Variants in CPHXL2 observed in about 807,000 individuals in gnomAD.
CPHXL2 encodes cytoplasmic polyadenylated homeobox-like protein 2.
At chr16:75,664,011 T>C in the CPHXL2 span, among the ~76,000 whole-genome samples, 2 of 152,108 alleles carry the variant, frequency 1.3e-5, no homozygotes, top group East Asian at 3.9e-4. Context: ...GTCTCCACAA[T>C]TCCTTATGGT....
chr16:75,669,938 A>C, the CPHXL2 span, among the ~76,000 whole-genome samples: 1 of 152,020 alleles, frequency 6.6e-6, no homozygotes, highest in African/African-American at 2.4e-5. Context: ...TCTTTTATTT[A>C]TTTATTTATT....
chr16:75,667,414 G>GT, the CPHXL2 span, among the ~76,000 whole-genome samples: 1 of 150,744 alleles, frequency 6.6e-6, no homozygotes, highest in Non-Finnish European at 1.5e-5. Context: ...TCTTATTCTA[G>GT]TTTATATTAA....
At chr16:75,673,463 A>G in the CPHXL2 span, among the ~76,000 whole-genome samples, 2 of 152,024 alleles carry the variant, frequency 1.3e-5, no homozygotes, top group Non-Finnish European at 2.9e-5. Context: ...CAAAAAAAAA[A>G]ATTAAAAAAA....
chr16:75,664,516 T>A, the CPHXL2 span, among the ~76,000 whole-genome samples: 1 of 151,074 alleles, frequency 6.6e-6, no homozygotes, highest in Non-Finnish European at 1.5e-5. Context: ...TCCCAGCTAC[T>A]TGGGAGGCTA....
At chr16:75,673,075 CAAAAAAAA>C in the CPHXL2 span, among the ~76,000 whole-genome samples, 1 of 73,180 alleles carries the variant, frequency 1.4e-5, no homozygotes, top group South Asian at 5.7e-4. Context: ...GACCTTGTCT[CAAAAAAAA>C]AAAAAAAAAA....
the CPHXL2 span, among the ~76,000 whole-genome samples, chr16:75,669,882 G>A: frequency 1.3e-5 from 2 of 152,174 alleles, no homozygotes; most frequent in Non-Finnish European, 2.9e-5. Context: ...GATGTGTCCA[G>A]GGTCCACACA....
the CPHXL2 span, among the ~76,000 whole-genome samples, chr16:75,666,608 C>G: frequency 1.5e-5 from 1 of 65,124 alleles, no homozygotes; most frequent in African/African-American, 5.5e-5. Context: ...AACTCTATCT[C>G]AAAAAAAAAA....
chr16:75,664,790 A>G, the CPHXL2 span, among the ~76,000 whole-genome samples: 103 of 152,140 alleles, frequency 6.8e-4, no homozygotes, highest in African/African-American at 2.3e-3. Context: ...TTAATGGGTT[A>G]TCATGGGAGT....
chr16:75,669,802 C>T, the CPHXL2 span, among the ~76,000 whole-genome samples: 1 of 152,216 alleles, frequency 6.6e-6, no homozygotes, highest in Admixed American at 6.5e-5. Context: ...TCACCAGCCA[C>T]ATTCTTTTAC....
the CPHXL2 span, chr16:75,661,377 G>C: frequency 2.5e-6 from 1 of 396,718 alleles, no homozygotes; most frequent in Non-Finnish European, 4.4e-6. Context: ...CTTGCCTTCA[G>C]ACATTAAGGC....
the CPHXL2 span, among the ~76,000 whole-genome samples, chr16:75,662,098 C>T: frequency 1.8e-3 from 276 of 152,288 alleles, no homozygotes; most frequent in African/African-American, 6.5e-3. Context: ...GGTTGGGGCT[C>T]CTGTGACCTC....
chr16:75,674,258 A>G, the CPHXL2 span, among the ~76,000 whole-genome samples: 15,491 of 150,530 alleles, frequency 0.1, 2,150 homozygotes, highest in East Asian at 0.63. Context: ...CTGTAGTCCC[A>G]GCTACTCGGG....
chr16:75,668,851 A>G, the CPHXL2 span, among the ~76,000 whole-genome samples: 2 of 152,100 alleles, frequency 1.3e-5, no homozygotes, highest in South Asian at 4.1e-4. Context: ...AATTTTCCAA[A>G]TATTTTCCAT....
At chr16:75,668,442 T>A in the CPHXL2 span, among the ~76,000 whole-genome samples, 9 of 152,166 alleles carry the variant, frequency 5.9e-5, no homozygotes, top group African/African-American at 2.2e-4. Context: ...TTGGTCAGGC[T>A]GGTCTCAAAC....
the CPHXL2 span, among the ~76,000 whole-genome samples, chr16:75,662,485 G>C: frequency 2.0e-5 from 3 of 151,866 alleles, no homozygotes; most frequent in Admixed American, 2.0e-4. Context: ...ATCCTGCTTG[G>C]ATCTTTACAG....
chr16:75,665,269 A>C, the CPHXL2 span, among the ~76,000 whole-genome samples: 1 of 152,228 alleles, frequency 6.6e-6, no homozygotes, highest in Non-Finnish European at 1.5e-5. Flanking sequence ...AAAACCTATC[A>C]GATTAACAGC....
the CPHXL2 span, among the ~76,000 whole-genome samples, chr16:75,669,170 G>T: frequency 6.6e-6 from 1 of 152,060 alleles, no homozygotes; most frequent in Non-Finnish European, 1.5e-5. Context: ...ACAAAGCCCA[G>T]TGTGGTGGTG....
At chr16:75,661,149 A>C in the CPHXL2 span, 1 of 400,864 alleles carries the variant, frequency 2.5e-6, no homozygotes, top group Middle Eastern at 3.1e-4. Context: ...GAGGCTTAAA[A>C]ATGGACAGGC....
At chr16:75,675,529 A>G in the CPHXL2 span, among the ~76,000 whole-genome samples, 1 of 152,152 alleles carries the variant, frequency 6.6e-6, no homozygotes, top group Admixed American at 6.5e-5. Context: ...GGAGGGAACA[A>G]AAATTCACCG....
Sources: gnomAD v4.1 joint callset for allele counts (sites outside exome capture counted in the v4.1 genomes callset) on GRCh38, gnomAD v4.1.1 for gene constraint, MANE v1.5 for transcripts, NCBI Gene and HGNC (gene_info 2026-07-23, HGNC 2026-07-21) for gene names.